Variants in FBRSL1 observed in about 807,000 individuals in gnomAD.
The protein encoded by FBRSL1 is fibrosin-1-like protein.
In FBRSL1, 51 loss-of-function variants were observed where a neutral mutation model predicts 89.6. The ratio of observed to expected loss-of-function variants is 0.57; its 90% CI spans 0.45 to 0.72. FBRSL1 has a LOEUF of 0.72. Among genes scored for constraint, FBRSL1 ranks in the 30% least tolerant of loss-of-function variants. The pLI, the probability that FBRSL1 is intolerant of heterozygous loss-of-function variation, is 0.00. For missense variants in FBRSL1, 1,618 were observed against 1,451.8 expected (o/e 1.11, Z -1.86); for synonymous variants, 779 against 681.1 (o/e 1.14, Z -2.24).
At chr12:132,574,065 A>T (rs575510314) in intron 11 of FBRSL1, 25 bp from the exon 12 acceptor site, 1 of 1,256,690 alleles carries the variant, frequency 8.0e-7, no homozygotes, top group South Asian at 2.4e-5. Context: ...CCAGGCGCAC[A>T]CAAGCTGTCT....
intron 4 of FBRSL1, among the ~76,000 whole-genome samples, chr12:132,532,944 G>T (rs1382617796): frequency 2.0e-5 from 3 of 152,208 alleles, no homozygotes; most frequent in Non-Finnish European, 4.4e-5. Flanking sequence ...CTGTGCCAGG[G>T]CCCGATACAG....
intron 4 of FBRSL1, among the ~76,000 whole-genome samples, chr12:132,536,559 G>T (rs1377236194): frequency 6.6e-6 from 1 of 150,676 alleles, no homozygotes; most frequent in East Asian, 2.0e-4. Flanking sequence ...ATGACAGTGT[G>T]TGTGCCATGT....
chr12:132,509,701 C>G (rs1405939051), intron 2 of FBRSL1: 31 of 1,231,322 alleles, frequency 2.5e-5, no homozygotes, highest in Non-Finnish European at 2.8e-5. Context: ...TCCCTGCTGA[C>G]CCTGTGGCAC....
intron 4 of FBRSL1, among the ~76,000 whole-genome samples, chr12:132,544,554 G>A (rs900182490): frequency 1.3e-5 from 2 of 152,180 alleles, no homozygotes; most frequent in Admixed American, 1.3e-4. Context: ...GGTGATGATG[G>A]TGGTGAGGAT....
At chr12:132,551,245 G>GA in intron 5 of FBRSL1, 1 of 377,742 alleles carries the variant, frequency 2.6e-6, no homozygotes, top group Non-Finnish European at 5.4e-6. Flanking sequence ...ACTGGATATG[G>GA]AAGGAAGGTC....
chr12:132,490,478 G>A lies in FBRSL1; in HGVS notation c.-93G>A. 1 of 886,054 alleles carries A rather than the reference G, an allele frequency of 1.1e-6. No homozygotes were observed. Among genetic ancestry groups the A allele is most frequent in the Non-Finnish European group, 1.3e-6 (1 of 744,206 alleles). The allele number at this position is 886,054 out of a possible 1,614,324, so 54.9% of individuals were successfully genotyped here. On this transcript the variant is annotated 5_prime_UTR_variant, in exon 1 of 19. Transcript: ENST00000680143. ...CCCGAGCCCGCGCGGCGCACACTCA[G>A]CCCGGCGGCGCCGCGTAGCCGAGGG...
intron 5 of FBRSL1, chr12:132,560,021 G>T (rs1566202451): frequency 6.7e-6 from 1 of 149,474 alleles, no homozygotes; most frequent in East Asian, 1.9e-4. Context: ...CCGCCCGGGA[G>T]CCCAGAGCGC....
intron 1 of FBRSL1, among the ~76,000 whole-genome samples, chr12:132,491,969 C>T (rs898316101): frequency 2.6e-5 from 4 of 152,232 alleles, no homozygotes; most frequent in African/African-American, 7.2e-5. Context: ...GGCTGGCCAT[C>T]CTCTGTCCTG....
chr12:132,501,907 C>T (rs1288935691), intron 1 of FBRSL1, among the ~76,000 whole-genome samples: 1 of 152,240 alleles, frequency 6.6e-6, no homozygotes, highest in Non-Finnish European at 1.5e-5. Context: ...CCTTTGGGGA[C>T]AGCCTCACCT....
intron 5 of FBRSL1, among the ~76,000 whole-genome samples, chr12:132,559,367 A>C (rs1593490550): frequency 6.6e-6 from 1 of 151,854 alleles, no homozygotes; most frequent in Non-Finnish European, 1.5e-5. Context: ...TCAGGTCCCA[A>C]CTCTCCACAG....
intron 2 of FBRSL1, among the ~76,000 whole-genome samples, chr12:132,522,054 C>T (rs1287356817): frequency 2.0e-5 from 3 of 151,514 alleles, no homozygotes; most frequent in Admixed American, 6.6e-5. Context: ...AGCCTGCCGG[C>T]GCCTGTGGGT....
rs1397210027 is a variant in FBRSL1, at chr12:132,581,454, C to T, written c.1850C>T (p.Ala617Val). 3 of 1,551,066 alleles carry T rather than the reference C, an allele frequency of 1.9e-6. No homozygotes were observed. Among genetic ancestry groups the T allele is most frequent in the Admixed American group, 2.0e-5 (1 of 51,002 alleles). Residue 617 changes from alanine (A) to valine (V), a missense_variant, in exon 16 of 19, where the codon GCC becomes GTC. By Grantham distance (64) the Ala-to-Val change is moderately conservative. Coordinates refer to ENST00000680143, the MANE Select transcript of FBRSL1 (RefSeq NM_001367871.1). The part of the protein sequence containing the change: ...LFPSTGAAHP[A>V]SNPFGPSAHP... Reference sequence around the variant, plus strand: ...CCCCCCCCAGGTGCCGCCCATCCTGCCTCCAACCCATTTGGACCCTCAGCC... The same window carrying T: ...CCCCCCCCAGGTGCCGCCCATCCTGTCTCCAACCCATTTGGACCCTCAGCC...
intron 14 of FBRSL1, 136 bp downstream of exon 14, chr12:132,574,700 C>T (rs2040265575): frequency 4.3e-6 from 5 of 1,160,520 alleles, no homozygotes; most frequent in Non-Finnish European, 4.7e-6. Flanking sequence ...GCCGCCTGCC[C>T]CTTCCTCTGG....
At chr12:132,509,570 G>C (rs940388534) in intron 2 of FBRSL1, 1 of 1,231,982 alleles carries the variant, frequency 8.1e-7, no homozygotes, top group African/African-American at 1.6e-5. Flanking sequence ...TGCTGACCCC[G>C]TGTCACCACT....
chr12:132,581,340 T>A, intron 15 of FBRSL1, 99 bp from the exon 16 acceptor site: 1 of 1,544,674 alleles, frequency 6.5e-7, no homozygotes, highest in Non-Finnish European at 8.7e-7. Flanking sequence ...GAGGTGAAGG[T>A]TCACAGAGGA....
At chr12:132,511,922 A>G (rs1039960779) in intron 2 of FBRSL1, 2 of 985,312 alleles carry the variant, frequency 2.0e-6, no homozygotes, top group Non-Finnish European at 2.4e-6. Flanking sequence ...TAAAGAAAAT[A>G]AAAAGTGCCG....
intron 18 of FBRSL1, among the ~76,000 whole-genome samples, 167 bp from the exon 19 acceptor site, chr12:132,582,804 G>C (rs1255505091): frequency 6.6e-6 from 1 of 152,072 alleles, no homozygotes; most frequent in Non-Finnish European, 1.5e-5. Context: ...GCGGGGAGAG[G>C]ACGCGTAGGT....
At chr12:132,578,250 C>T (rs1486070089) in intron 15 of FBRSL1, among the ~76,000 whole-genome samples, 1 of 151,880 alleles carries the variant, frequency 6.6e-6, no homozygotes, top group Non-Finnish European at 1.5e-5. Flanking sequence ...GAGGCTGAGG[C>T]AGGAGGGTCG....
chr12:132,490,726 G>A lies in FBRSL1; in HGVS notation c.156G>A (p.Ala52=). Residue 52 remains alanine (A), a synonymous_variant, in exon 1 of 19, where the codon GCG becomes GCA. Coordinates refer to ENST00000680143, the MANE Select transcript of FBRSL1 (RefSeq NM_001367871.1). The part of the protein sequence containing the change: ...PGKENAGLRG[A]PPRGAAPAPR... The stretch of plus-strand genomic sequence containing the variant: ...AGGAGAACGCGGGCCTCCGCGGCGC[G>A]CCCCCCCGAGGCGCCGCCCCCGCGC... The A allele has an allele frequency of 1.0e-6, 1 of 984,890 alleles. No homozygotes were observed. The highest frequency in any genetic ancestry group is 1.2e-6 in the Non-Finnish European group (1 of 830,984). The allele number at this position is 984,890 out of a possible 1,614,324, so 61.0% of individuals were successfully genotyped here.
Sources: allele counts gnomAD v4.1 joint callset (sites outside exome capture counted in the v4.1 genomes callset), GRCh38; gene constraint gnomAD v4.1.1; transcripts MANE v1.5; gene names NCBI Gene and HGNC (gene_info 2026-07-23, HGNC 2026-07-21).